Variants in ADAMTS9 observed in about 807,000 individuals in gnomAD.
ADAMTS9 encodes ADAM metallopeptidase with thrombospondin type 1 motif 9, also known as A disintegrin and metalloproteinase with thrombospondin motifs 9.
A neutral mutation model predicts 257.1 loss-of-function variants in ADAMTS9; 107 were observed. The observed-to-expected ratio is 0.42, with a 90% CI of 0.36 to 0.49. The LOEUF (loss-of-function observed/expected upper bound fraction) is 0.49. ADAMTS9 is among the 20% of genes least tolerant of loss of function. The pLI, the probability that ADAMTS9 is intolerant of heterozygous loss-of-function variation, is 0.03. For missense variants in ADAMTS9, 2,353 were observed against 2,469.1 expected (o/e 0.95, Z 1.00); for synonymous variants, 982 against 880.9 (o/e 1.11, Z -2.03).
intron 3 of ADAMTS9, among the ~76,000 whole-genome samples, chr3:64,672,246 T>C (rs550456704): frequency 3.3e-4 from 51 of 152,322 alleles, no homozygotes; most frequent in Admixed American, 2.5e-3. Context: ...CCCCTTTTCT[T>C]CAGCAGGGAA....
intron 3 of ADAMTS9, among the ~76,000 whole-genome samples, chr3:64,679,710 G>A (rs1161768036): frequency 6.6e-6 from 1 of 152,102 alleles, no homozygotes; most frequent in Non-Finnish European, 1.5e-5. Flanking sequence ...TGTATGTTAT[G>A]TATACATTTC....
chr3:64,591,877 G>C (rs755638535), intron 28 of ADAMTS9, among the ~76,000 whole-genome samples: 4 of 152,144 alleles, frequency 2.6e-5, no homozygotes, highest in Non-Finnish European at 4.4e-5. Context: ...GTTGCTTTCT[G>C]TTGAAAGCAA....
rs367824213 is a variant in ADAMTS9, at chr3:64,632,838, A to C, written c.2175+634T>G. 6.9e-3 allele frequency among the ~76,000 whole-genome samples: 1,051 copies of C among 151,994 alleles called. 17 individuals are homozygous for C. Among genetic ancestry groups the C allele is most frequent in the East Asian group, 0.037 (189 of 5,174 alleles). ...CCTTTGGACCACAGGCAAAAAAAAA[A>C]AAACAAACAAAAAAAACAACCAGAG... is the stretch of plus-strand genomic sequence containing the variant. On this transcript the variant is annotated intron_variant, in intron 14 of 39. Transcript: ENST00000498707.
chr3:64,559,810 T>C (rs1419069260), intron 30 of ADAMTS9, among the ~76,000 whole-genome samples: 2 of 152,212 alleles, frequency 1.3e-5, no homozygotes, highest in Non-Finnish European at 2.9e-5. Context: ...GGCTCTAGCA[T>C]TTTCAAAAGC....
chr3:64,622,686 G>A (rs1700138347), intron 16 of ADAMTS9, 100 bp from the exon 17 acceptor site: 15 of 1,323,870 alleles, frequency 1.1e-5, no homozygotes, highest in South Asian at 2.7e-5. Flanking sequence ...CGCTGTGCAC[G>A]GAATGGGGAC....
intron 28 of ADAMTS9, among the ~76,000 whole-genome samples, chr3:64,585,585 A>C (rs548239566): frequency 6.6e-6 from 1 of 152,158 alleles, no homozygotes; most frequent in Non-Finnish European, 1.5e-5. Flanking sequence ...ACCATTTTTC[A>C]TAATTCACTT....
chr3:64,613,754 T>C (rs1273775623), intron 21 of ADAMTS9, among the ~76,000 whole-genome samples: 2 of 152,218 alleles, frequency 1.3e-5, no homozygotes, highest in African/African-American at 4.8e-5. Context: ...CTCCATGCTA[T>C]AAAATTTGAA....
rs755480110 is a variant in ADAMTS9, at chr3:64,517,416, G to GTTTTTTTTT, written c.*6-304_*6-296dup. ...CATCAAGCCCAGCTAATTAAAAATG[G>GTTTTTTTTT]TTTTTTTTTTTTTTTTTTTTTTTGC... On this transcript the variant is annotated intron_variant, in intron 39 of 39. Transcript: ENST00000498707. 2.5e-3 allele frequency among the ~76,000 whole-genome samples: 129 copies of GTTTTTTTTT among 52,652 alleles called. 24 individuals are homozygous for GTTTTTTTTT. The highest frequency in any genetic ancestry group is 8.3e-3 in the East Asian group (12 of 1,446). The allele number at this position is 52,652 out of a possible 152,430, so 34.5% of individuals were successfully genotyped here. A position where few individuals can be genotyped will look rare whatever the true frequency, so the allele number is the denominator to read the frequency against.
rs745666190 is a variant in ADAMTS9 at position 64,615,377 on chromosome 3, T to A, written c.3133A>T (p.Ile1045Phe). 6.2e-7 allele frequency: 1 copy of A among 1,614,114 alleles called. No homozygotes were observed. The highest frequency in any genetic ancestry group is 1.3e-5 in the African/African-American group (1 of 75,054). ...SKCTHQEKVT[I>F]QRCSEFPCPQ... ...CAAGGGAACTCACTGCACCTCTGAA[T>A]GGTAACTTTCTCTTGATGTGTGCAT... Residue 1045 changes from isoleucine to phenylalanine, a missense_variant, in exon 21 of 40, where the codon ATT becomes TTT. Around this residue, in one of 3 missense-constraint regions of ADAMTS9, gnomAD observed 1,402 missense variants for 1,441.4 expected, o/e 0.97. Transcript: ENST00000498707.
intron 22 of ADAMTS9, among the ~76,000 whole-genome samples, chr3:64,609,004 A>C (rs1386845197): frequency 6.6e-6 from 1 of 150,740 alleles, no homozygotes; most frequent in Non-Finnish European, 1.5e-5. Flanking sequence ...CATTACGTTA[A>C]TAGAACAATG....
intron 22 of ADAMTS9, among the ~76,000 whole-genome samples, chr3:64,608,278 A>G (rs1246923041): frequency 6.9e-6 from 1 of 145,788 alleles, no homozygotes; most frequent in Non-Finnish European, 1.5e-5. Flanking sequence ...AAAAAAAAAC[A>G]AGAAAAGGAA....
chr3:64,612,832 G>GAA (rs2084691450), intron 22 of ADAMTS9, among the ~76,000 whole-genome samples: 1 of 152,114 alleles, frequency 6.6e-6, no homozygotes, highest in Non-Finnish European at 1.5e-5. Context: ...AGAGGACTTG[G>GAA]AAAAGATTAT....
chr3:64,516,945 A>G lies in ADAMTS9; in HGVS notation c.*182T>C, dbSNP rs929399326. 3 of 152,514 alleles carry G rather than the reference A, an allele frequency of 2.0e-5. No individual in the cohort carries two copies. The highest frequency in any genetic ancestry group is 7.2e-5 in the African/African-American group (3 of 41,440). 9.4% of individuals were successfully genotyped at this position (152,514 alleles called of 1,614,324 possible). On this transcript the variant is annotated 3_prime_UTR_variant, in exon 40 of 40. Coordinates refer to ENST00000498707, the MANE Select transcript of ADAMTS9 (RefSeq NM_182920.2). ...ATAGTCTACATATCTACATACACAC[A>G]TATATGTGTATATATGTATGTGTAG...
chr3:64,622,054 C>A, intron 18 of ADAMTS9, 144 bp downstream of exon 18: 1 of 882,508 alleles, frequency 1.1e-6, no homozygotes, highest in Non-Finnish European at 1.6e-6. Flanking sequence ...CCAAAAATGA[C>A]CAGACACATT....
intron 38 of ADAMTS9, among the ~76,000 whole-genome samples, chr3:64,532,524 C>T (rs1313508425): frequency 6.6e-6 from 1 of 152,146 alleles, no homozygotes; most frequent in East Asian, 1.9e-4. Flanking sequence ...CACAGTGTTT[C>T]TCAAGCTGTA....
intron 10 of ADAMTS9, 23 bp downstream of exon 10, chr3:64,649,614 A>C (rs903564628): frequency 1.3e-6 from 2 of 1,595,490 alleles, no homozygotes; most frequent in African/African-American, 2.7e-5. Flanking sequence ...AGATGAGGGC[A>C]GAAGTGGCCC....
chr3:64,561,321 G>GTTTTT (rs34071104), intron 30 of ADAMTS9: 13 of 206,678 alleles, frequency 6.3e-5, no homozygotes, highest in South Asian at 3.6e-4. Flanking sequence ...GCCTGTTAAA[G>GTTTTT]TTTTTTTTTT....
At chr3:64,540,956 T>C in intron 36 of ADAMTS9, 139 bp downstream of exon 36, 6 of 1,248,164 alleles carry the variant, frequency 4.8e-6, no homozygotes, top group Non-Finnish European at 6.6e-6. Context: ...GCTCCCAATG[T>C]TCTTCCTCTC....
chr3:64,548,754 C>T (rs2083233967), intron 31 of ADAMTS9, among the ~76,000 whole-genome samples: 3 of 152,234 alleles, frequency 2.0e-5, no homozygotes, highest in South Asian at 4.1e-4. Context: ...TTGACTGCTG[C>T]TGGTTTCCTC....
Sources: allele counts gnomAD v4.1 joint callset (sites outside exome capture counted in the v4.1 genomes callset), GRCh38; gene constraint gnomAD v4.1.1; regional missense constraint gnomAD v4.1.1; transcripts MANE v1.5; gene names NCBI Gene and HGNC (gene_info 2026-07-23, HGNC 2026-07-21).